PDE3A: variants seen among roughly 807,000 people sequenced by gnomAD.
PDE3A encodes phosphodiesterase 3A.
PDE3A carries 43 observed loss-of-function variants against 98.3 expected under a neutral mutation model. That is an observed-to-expected ratio of 0.44 (90% CI 0.34 to 0.56). The LOEUF (loss-of-function observed/expected upper bound fraction) is 0.56, where lower values mean the gene tolerates loss of function less well. Ranked by LOEUF, PDE3A falls within the 20% of genes least tolerant of loss-of-function variation. The pLI is 0.01. For synonymous variants in PDE3A, 663 were observed against 567.9 expected (o/e 1.17, Z -2.38); for missense variants, 1,427 against 1,440.7 (o/e 0.99, Z 0.15).
chr12:20,460,564 A>C, intron 1 of PDE3A, among the ~76,000 whole-genome samples: 1 of 152,224 alleles, frequency 6.6e-6, no homozygotes, highest in East Asian at 1.9e-4. Context: ...CTTTTGGAAT[A>C]ATATGAAAGT....
chr12:20,370,407 TTG>T (rs1491058134), intron 1 of PDE3A, 163 bp downstream of exon 1: 327 of 472,720 alleles, frequency 6.9e-4, no homozygotes, highest in Middle Eastern at 1.2e-3. Context: ...TTTGTTTTTT[TTG>T]TTTTTTTTTT....
chr12:20,384,091 A>G (rs1015628661), intron 1 of PDE3A, among the ~76,000 whole-genome samples: 1 of 151,854 alleles, frequency 6.6e-6, no homozygotes, highest in Non-Finnish European at 1.5e-5. Context: ...ACAGACAGAG[A>G]GTTCCTTTAA....
At chr12:20,649,425 A>C (rs1944864632) in intron 13 of PDE3A, among the ~76,000 whole-genome samples, 1 of 152,048 alleles carries the variant, frequency 6.6e-6, no homozygotes, top group Admixed American at 6.6e-5. Context: ...TATAGATTCT[A>C]CTCTGTGCTA....
intron 2 of PDE3A, among the ~76,000 whole-genome samples, chr12:20,605,778 A>G (rs1033063623): frequency 6.6e-6 from 1 of 152,198 alleles, no homozygotes; most frequent in Non-Finnish European, 1.5e-5. Flanking sequence ...ATGTTTCAGC[A>G]TTTGTAACCT....
intron 1 of PDE3A, among the ~76,000 whole-genome samples, chr12:20,392,631 C>T (rs1285011323): frequency 6.6e-6 from 1 of 151,998 alleles, no homozygotes; most frequent in Non-Finnish European, 1.5e-5. Flanking sequence ...CCATGTGATC[C>T]AGCAGTCCTA....
chr12:20,402,054 T>C (rs1944141990), intron 1 of PDE3A, among the ~76,000 whole-genome samples: 2 of 152,182 alleles, frequency 1.3e-5, no homozygotes, highest in African/African-American at 4.8e-5. Flanking sequence ...TATGTATCTG[T>C]GGAGCTTTGT....
intron 5 of PDE3A, among the ~76,000 whole-genome samples, chr12:20,625,907 A>T (rs986939915): frequency 6.6e-6 from 1 of 152,162 alleles, no homozygotes; most frequent in African/African-American, 2.4e-5. Flanking sequence ...TCAAAAATTT[A>T]TATTTCATGA....
At chr12:20,449,713 G>A (rs894038497) in intron 1 of PDE3A, 61 of 476,044 alleles carry the variant, frequency 1.3e-4, no homozygotes, top group Admixed American at 3.5e-5. Flanking sequence ...AGTCCTTAGA[G>A]TATTATTCAG....
chr12:20,543,823 T>A (rs1941984553), intron 1 of PDE3A, among the ~76,000 whole-genome samples: 1 of 152,056 alleles, frequency 6.6e-6, no homozygotes, highest in Non-Finnish European at 1.5e-5. Context: ...ATTTAGTAAG[T>A]CCTTACTATG....
intron 2 of PDE3A, among the ~76,000 whole-genome samples, chr12:20,561,040 C>T (rs771560479): frequency 7.9e-5 from 12 of 152,064 alleles, no homozygotes; most frequent in Non-Finnish European, 1.5e-4. Context: ...AGGCAGGTGG[C>T]ACCTGAGGTC....
intron 1 of PDE3A, among the ~76,000 whole-genome samples, chr12:20,436,812 A>G (rs1454743112): frequency 2.0e-5 from 3 of 152,220 alleles, no homozygotes; most frequent in Non-Finnish European, 2.9e-5. Context: ...AATTGGGCAT[A>G]GTTCTTCAGA....
At chr12:20,540,291 G>A (rs370009434) in intron 1 of PDE3A, among the ~76,000 whole-genome samples, 1 of 152,188 alleles carries the variant, frequency 6.6e-6, no homozygotes, top group East Asian at 1.9e-4. Flanking sequence ...TGGTTCTAAT[G>A]AACGCTGAAA....
chr12:20,581,548 G>A (rs963263388), intron 2 of PDE3A, among the ~76,000 whole-genome samples: 1 of 150,958 alleles, frequency 6.6e-6, no homozygotes, highest in African/African-American at 2.4e-5. Flanking sequence ...CATTATAGAC[G>A]TTACGACTTT....
At chr12:20,578,834 A>G (rs1943000996) in intron 2 of PDE3A, among the ~76,000 whole-genome samples, 1 of 152,114 alleles carries the variant, frequency 6.6e-6, no homozygotes, top group Non-Finnish European at 1.5e-5. Context: ...GGGGCTTTGC[A>G]GTTTCATTTG....
intron 2 of PDE3A, among the ~76,000 whole-genome samples, chr12:20,611,899 A>T (rs10841573): frequency 0.1 from 12,389 of 120,212 alleles, 626 homozygotes; most frequent in East Asian, 0.22. Context: ...AATGAAATTT[A>T]AAAAAAAAAA....
chr12:20,566,374 C>G (rs1942655936), intron 2 of PDE3A, among the ~76,000 whole-genome samples: 2 of 151,942 alleles, frequency 1.3e-5, no homozygotes, highest in South Asian at 4.1e-4. Context: ...TTAAATACTT[C>G]TGGGTGACAA....
intron 1 of PDE3A, among the ~76,000 whole-genome samples, chr12:20,380,210 G>A (rs1326195946): frequency 1.3e-5 from 2 of 151,788 alleles, no homozygotes; most frequent in Non-Finnish European, 2.9e-5. Flanking sequence ...TATCTCCTTA[G>A]CTTTTAATTG....
intron 15 of PDE3A, among the ~76,000 whole-genome samples, chr12:20,679,523 C>A (rs1412714053): frequency 6.6e-6 from 1 of 152,170 alleles, no homozygotes; most frequent in South Asian, 2.1e-4. Flanking sequence ...CTGGGATTCA[C>A]AGACGTGAGC....
At chr12:20,588,508 A>C (rs1943242539) in intron 2 of PDE3A, among the ~76,000 whole-genome samples, 1 of 152,208 alleles carries the variant, frequency 6.6e-6, no homozygotes. Context: ...ACAGCTGCGG[A>C]AACACATTCA....
Sources: allele counts gnomAD v4.1 joint callset (sites outside exome capture counted in the v4.1 genomes callset), GRCh38; gene constraint gnomAD v4.1.1; transcripts MANE v1.5; gene names NCBI Gene and HGNC (gene_info 2026-07-23, HGNC 2026-07-21).